FAU: variants seen among roughly 807,000 people sequenced by gnomAD.
FAU encodes the protein ubiquitin-like FUBI-ribosomal protein eS30 fusion protein.
For missense variants in FAU, 125 were observed against 173.9 expected, an observed-to-expected ratio of 0.72 and a Z score of 1.58; for synonymous variants, 70 against 69.9, an observed-to-expected ratio of 1.00 and a Z score of -0.01.
intron 1 of FAU, 101 bp downstream of exon 1, chr11:65,121,989 G>T: frequency 1.5e-6 from 1 of 677,226 alleles, no homozygotes; most frequent in East Asian, 2.7e-5. Flanking sequence ...ACTGGAGCAG[G>T]GCCACGGAGC....
chr11:65,120,904 G>A (rs977794156), intron 4 of FAU, 77 bp downstream of exon 4: 3 of 1,610,006 alleles, frequency 1.9e-6, no homozygotes, highest in Non-Finnish European at 2.5e-6. Flanking sequence ...GGCAAACCGA[G>A]TAAGAGCCCA....
intron 3 of FAU, 52 bp from the exon 4 acceptor site, chr11:65,121,088 A>G: frequency 6.3e-7 from 1 of 1,576,228 alleles, no homozygotes; most frequent in Non-Finnish European, 8.7e-7. Flanking sequence ...GGTGCCACCC[A>G]GCAGAACCCC....
At position 65,121,416 on chromosome 11, in the gene FAU, T is replaced by C. The variant is rs2137218715; in HGVS notation, c.220+84A>G. ...GTGAGAAGTACTCTATTACCATAGG[T>C]GTGACACTCAGCTGTCAGGACTATG... is the stretch of plus-strand genomic sequence containing the variant. On this transcript the variant is annotated intron_variant, in intron 3 of 4. Transcript: ENST00000529639. 8.0e-6 allele frequency: 12 copies of C among 1,498,186 alleles called. No individual in the cohort carries two copies. The South Asian group carries it at 1.3e-4, about 16-fold the overall frequency. The allele number at this position is 1,498,186 out of a possible 1,614,324, so 92.8% of individuals were successfully genotyped here. A position where few individuals can be genotyped will look rare whatever the true frequency, so the allele number is the denominator to read the frequency against.
Position 65,121,417 on chromosome 11 carries a change from G to A in FAU, c.220+83C>T, listed in dbSNP as rs528987891. The A allele has an allele frequency of 9.3e-6, 14 of 1,504,304 alleles. No homozygotes were observed. In the African/African-American group the frequency reaches 1.8e-4, roughly 19 times the overall value. 93.2% of individuals were successfully genotyped at this position (1,504,304 alleles called of 1,614,324 possible). A position where few individuals can be genotyped will look rare whatever the true frequency, so the allele number is the denominator to read the frequency against. ...TGAGAAGTACTCTATTACCATAGGT[G>A]TGACACTCAGCTGTCAGGACTATGC... On this transcript the variant is annotated intron_variant, in intron 3 of 4. Transcript: ENST00000529639.
chr11:65,121,351 G>T, intron 3 of FAU, 149 bp downstream of exon 3: 1 of 1,084,796 alleles, frequency 9.2e-7, no homozygotes, highest in Non-Finnish European at 1.3e-6. Flanking sequence ...TGTTCAACAT[G>T]AGGGATGTAA....
At position 65,120,998 on chromosome 11, in the gene FAU, T is replaced by C; in HGVS notation, c.259A>G (p.Arg87Gly). The part of the protein sequence containing the change: ...HGSLARAGKV[R>G]GQTPKVAKQE... ...TCACTCACCTTAGGAGTCTGACCTC[T>C]CACTTTTCCAGCACGGGCCAGGGAA... Residue 87 changes from arginine to glycine, a missense_variant, in exon 4 of 5, where the codon AGA becomes GGA. Transcript: ENST00000529639. The C allele has an allele frequency of 6.2e-7, 1 of 1,614,112 alleles. No homozygotes were observed. Among genetic ancestry groups the C allele is most frequent in the Non-Finnish European group, 8.5e-7 (1 of 1,180,018 alleles).
At position 65,121,419 on chromosome 11, in the gene FAU, G is replaced by A. The variant is rs139291106; in HGVS notation, c.220+81C>T. 6.6e-4 allele frequency: 996 copies of A among 1,513,890 alleles called. 6 individuals are homozygous for A. In the African/African-American group the frequency reaches 0.012, roughly 18 times the overall value. 93.8% of individuals were successfully genotyped at this position (1,513,890 alleles called of 1,614,324 possible). A position where few individuals can be genotyped will look rare whatever the true frequency, so the allele number is the denominator to read the frequency against. ...AGAAGTACTCTATTACCATAGGTGT[G>A]ACACTCAGCTGTCAGGACTATGCAC... On this transcript the variant is annotated intron_variant, in intron 3 of 4. Transcript: ENST00000529639.
At chr11:65,121,669 A>C (rs1948049633) in intron 2 of FAU, 25 bp from the exon 3 acceptor site, 1 of 1,613,592 alleles carries the variant, frequency 6.2e-7, no homozygotes, top group Non-Finnish European at 8.5e-7. Context: ...AAGGCTCGTA[A>C]GCGTTCCCTC....
chr11:65,121,212 T>C, intron 3 of FAU, 176 bp from the exon 4 acceptor site: 1 of 796,018 alleles, frequency 1.3e-6, no homozygotes, highest in Non-Finnish European at 2.0e-6. Flanking sequence ...TTCCAGCTTC[T>C]AATTTTATAG....
In FAU at chr11:65,120,740, G is replaced by A; in HGVS notation, c.343C>T (p.Arg115Cys). The A allele has an allele frequency of 1.9e-6, 3 of 1,614,126 alleles. No homozygotes were observed. Among genetic ancestry groups the A allele is most frequent in the Non-Finnish European group, 2.5e-6 (3 of 1,180,018 alleles). Residue 115 changes from arginine to cysteine, a missense_variant, in exon 5 of 5, where the codon CGC (arginine) becomes TGC (cysteine). By Grantham distance (180) the Arg-to-Cys change is radical. Transcript: ENST00000529639. ...RAKRRMQYNR[R>C]FVNVVPTFGK... Reference sequence around the variant, plus strand: ...AAGGTGGGCACAACGTTGACAAAGCGCCGGTTGTACTGCATCCGCCGCTTA... The same window carrying A: ...AAGGTGGGCACAACGTTGACAAAGCACCGGTTGTACTGCATCCGCCGCTTA...
At position 65,121,871 on chromosome 11, in the gene FAU, A is replaced by G. The variant is rs978827941; in HGVS notation, c.-8-50T>C. On this transcript the variant is annotated intron_variant, in intron 1 of 4. Coordinates refer to ENST00000529639, the MANE Select transcript of FAU (RefSeq NM_001997.5). The stretch of plus-strand genomic sequence containing the variant: ...AAGAGAAGCCAAGAAATGCTCTGGG[A>G]TAAAGGAGATTTGGGAGTGGAAAGC... The G allele has an allele frequency of 1.1e-5, 17 of 1,586,082 alleles. No homozygotes were observed. The South Asian group carries it at 1.7e-4, about 16-fold the overall frequency.
chr11:65,120,864 T>C (rs1948040652), intron 4 of FAU, 58 bp from the exon 5 acceptor site: 1 of 1,609,188 alleles, frequency 6.2e-7, no homozygotes, highest in East Asian at 2.2e-5. Context: ...TAGCATCCCT[T>C]CCCTCAGGCT....
Position 65,122,103 on chromosome 11 carries a change from C to G in FAU, c.-22G>C. 3.3e-6 allele frequency: 2 copies of G among 598,844 alleles called. No individual in the cohort carries two copies. The highest frequency in any genetic ancestry group is 3.7e-5 in the African/African-American group (2 of 53,966). 37.1% of individuals were successfully genotyped at this position (598,844 alleles called of 1,614,324 possible). ...CCCCATTCTTACCTGAACGGCGGTC[C>G]CAGCTACCGCGAAGATGGAGTCGAG... On this transcript the variant is annotated 5_prime_UTR_variant, in exon 1 of 5. Coordinates refer to ENST00000529639, the MANE Select transcript of FAU (RefSeq NM_001997.5).
chr11:65,121,820 G>A lies in FAU; in HGVS notation c.-7C>T, dbSNP rs373931529. The A allele has an allele frequency of 5.0e-6, 8 of 1,613,792 alleles. No individual in the cohort carries two copies. The African/African-American group carries it at 5.3e-5, about 11-fold the overall frequency. On this transcript the variant is annotated splice_region_variant and 5_prime_UTR_variant, in exon 2 of 5. Coordinates refer to ENST00000529639, the MANE Select transcript of FAU (RefSeq NM_001997.5). ...CGCGGACAAAGAGCTGCATATTGGC[G>A]ACTGAGTAAAGAAAAGACGGCTTGT...
chr11:65,121,395 G>A (rs1948045697), intron 3 of FAU, 105 bp downstream of exon 3: 2 of 1,402,216 alleles, frequency 1.4e-6, no homozygotes, highest in South Asian at 1.4e-5. Context: ...AAGACAGTGA[G>A]AAGTACTCTA....
rs1590820576 is a variant in FAU, at chr11:65,120,765, A to G, written c.318T>C (p.Ala106=). The change falls in exon 5 of 5, where the codon GCT becomes GCC. Residue 106 remains alanine (A), a synonymous_variant. Coordinates refer to ENST00000529639, the MANE Select transcript of FAU (RefSeq NM_001997.5). ...GCCGGTTGTACTGCATCCGCCGCTT[A>G]GCCCGACCTGTCTTCTTCTTCTTCT... The part of the protein sequence containing the change: ...QEKKKKKTGR[A]KRRMQYNRRF... 1.2e-6 allele frequency: 2 copies of G among 1,614,202 alleles called. No individual in the cohort carries two copies. Among genetic ancestry groups the G allele is most frequent in the Non-Finnish European group, 1.7e-6 (2 of 1,180,034 alleles).
chr11:65,121,365 GGA>G, intron 3 of FAU, 133 bp downstream of exon 3: 1 of 1,225,366 alleles, frequency 8.2e-7, no homozygotes, highest in Non-Finnish European at 1.1e-6. Context: ...GATGTAAACA[GGA>G]AGAATCACTC....
chr11:65,120,943 A>C, intron 4 of FAU, 38 bp downstream of exon 4: 2 of 1,612,584 alleles, frequency 1.2e-6, no homozygotes, highest in African/African-American at 2.7e-5. Flanking sequence ...GAAAGGAAAA[A>C]AAGTCCTAAC....
intron 1 of FAU, 112 bp from the exon 2 acceptor site, chr11:65,121,933 C>A: frequency 8.7e-7 from 1 of 1,144,572 alleles, no homozygotes; most frequent in Non-Finnish European, 1.3e-6. Flanking sequence ...GTGGTCGCGG[C>A]GGCTCACGTG....
Sources: gnomAD v4.1 joint callset for allele counts on GRCh38, gnomAD v4.1.1 for gene constraint, MANE v1.5 for transcripts, NCBI Gene and HGNC (gene_info 2026-07-23, HGNC 2026-07-21) for gene names.